The following SRGAP1 variants were observed in gnomAD, a reference collection of about 807,000 sequenced individuals.
SRGAP1 encodes the protein SLIT-ROBO Rho GTPase activating protein 1, also known as SLIT-ROBO Rho GTPase-activating protein 1.
In SRGAP1, 43 loss-of-function variants were observed where a neutral mutation model predicts 121.9. The ratio of observed to expected loss-of-function variants is 0.35; its 90% confidence interval spans 0.28 to 0.46. The LOEUF (loss-of-function observed/expected upper bound fraction) is 0.46, where lower values mean the gene tolerates loss of function less well. Among genes scored for constraint, SRGAP1 ranks in the 20% least tolerant of loss-of-function variants. The pLI is 1.00. For synonymous variants in SRGAP1, 447 were observed against 485.4 expected (o/e 0.92, Z 1.04); for missense variants, 1,102 against 1,350.9 (o/e 0.82, Z 2.89).
At chr12:64,134,215 A>G (rs1337371185) in intron 21 of SRGAP1, among the ~76,000 whole-genome samples, 1 of 151,910 alleles carries the variant, frequency 6.6e-6, no homozygotes, top group Non-Finnish European at 1.5e-5. Flanking sequence ...GGGTCAGGAG[A>G]TTGAGACCAT....
At chr12:63,899,357 G>C (rs975895882) in intron 1 of SRGAP1, among the ~76,000 whole-genome samples, 9 of 151,912 alleles carry the variant, frequency 5.9e-5, no homozygotes, top group Non-Finnish European at 1.0e-4. Context: ...AAGGAACCAG[G>C]TTTGCTACAT....
At chr12:63,978,110 A>G (rs969957045) in intron 1 of SRGAP1, among the ~76,000 whole-genome samples, 1 of 152,232 alleles carries the variant, frequency 6.6e-6, no homozygotes, top group Non-Finnish European at 1.5e-5. Context: ...GGGTGTGGAA[A>G]TAGGAGTTTG....
chr12:64,063,195 C>T, intron 7 of SRGAP1, 57 bp downstream of exon 7: 1 of 1,430,724 alleles, frequency 7.0e-7, no homozygotes, highest in Non-Finnish European at 9.8e-7. Flanking sequence ...TATTTCTCCT[C>T]ACTTGCTATA....
Position 63,984,035 on chromosome 12 carries a change from C to A in SRGAP1, c.156C>A (p.Phe52Leu). The A allele has an allele frequency of 6.4e-7, 1 of 1,565,732 alleles. No homozygotes were observed. The highest frequency in any genetic ancestry group is 1.2e-5 in the South Asian group (1 of 84,006). ...RVQLLQDLQD[F>L]FRKKAEIETE... is the part of the protein sequence containing the mutation. ...AGCTTCTCCAGGATCTGCAAGATTT[C>A]TTCCGAAAAAAAGCTGAAATTGAGA... Residue 52 changes from phenylalanine (F) to leucine (L), a missense_variant, in exon 2 of 22, where the codon TTC becomes TTA. Phe to Leu is a conservative substitution (Grantham distance 22, BLOSUM62 0). Coordinates refer to ENST00000355086, the MANE Select transcript of SRGAP1 (RefSeq NM_020762.4).
At chr12:64,109,212 T>C (rs930932045) in intron 16 of SRGAP1, 175 bp downstream of exon 16, 3 of 394,492 alleles carry the variant, frequency 7.6e-6, no homozygotes, top group Admixed American at 4.4e-5. Context: ...ACATCATTGA[T>C]AGATGAAAGC....
At chr12:63,917,765 G>A (rs997195018) in intron 1 of SRGAP1, among the ~76,000 whole-genome samples, 13 of 150,556 alleles carry the variant, frequency 8.6e-5, no homozygotes, top group Middle Eastern at 3.4e-3. Context: ...CCTGCTTTCT[G>A]TAATTCTTGT....
intron 1 of SRGAP1, among the ~76,000 whole-genome samples, chr12:63,923,917 G>A (rs915624022): frequency 2.6e-5 from 4 of 152,208 alleles, no homozygotes; most frequent in East Asian, 1.9e-4. Context: ...CGAGGCAGGC[G>A]GATCACCTGA....
At chr12:64,137,138 T>A (rs2036868518) in intron 21 of SRGAP1, among the ~76,000 whole-genome samples, 1 of 151,896 alleles carries the variant, frequency 6.6e-6, no homozygotes, top group African/African-American at 2.4e-5. Context: ...GTGGCAGGCA[T>A]CTGTAATCTG....
chr12:64,052,467 A>C (rs1437229436), intron 6 of SRGAP1, among the ~76,000 whole-genome samples: 1 of 152,082 alleles, frequency 6.6e-6, no homozygotes, highest in Non-Finnish European at 1.5e-5. Context: ...AGGCAGGAGA[A>C]TCGCTTGAAC....
chr12:64,000,196 T>A (rs2033834756), intron 3 of SRGAP1, among the ~76,000 whole-genome samples: 1 of 148,090 alleles, frequency 6.8e-6, no homozygotes, highest in South Asian at 2.1e-4. Context: ...GGAGGAAAGA[T>A]AAGGGAAGTA....
chr12:64,065,302 T>C (rs1212168517), intron 8 of SRGAP1, 83 bp downstream of exon 8: 2 of 1,218,266 alleles, frequency 1.6e-6, no homozygotes, highest in East Asian at 5.1e-5. Flanking sequence ...TGGGCATATT[T>C]AATATTCAAG....
intron 1 of SRGAP1, among the ~76,000 whole-genome samples, chr12:63,923,101 G>A (rs2031127821): frequency 6.6e-6 from 1 of 152,124 alleles, no homozygotes. Context: ...AAATCATATG[G>A]TGACCAATCC....
intron 1 of SRGAP1, among the ~76,000 whole-genome samples, chr12:63,956,993 A>G (rs1430224613): frequency 2.6e-5 from 4 of 152,120 alleles, no homozygotes; most frequent in Non-Finnish European, 4.4e-5. Context: ...GTCTGTCCTC[A>G]TTCATTTAGC....
intron 18 of SRGAP1, among the ~76,000 whole-genome samples, chr12:64,117,869 C>G (rs1414959027): frequency 6.6e-6 from 1 of 152,174 alleles, no homozygotes; most frequent in Non-Finnish European, 1.5e-5. Context: ...CTTTCTGTGT[C>G]TGGCTTATTT....
intron 1 of SRGAP1, among the ~76,000 whole-genome samples, chr12:63,958,824 A>G (rs1299147987): frequency 6.6e-6 from 1 of 152,196 alleles, no homozygotes; most frequent in Non-Finnish European, 1.5e-5. Context: ...CTAATTTCTT[A>G]TATTTAAACT....
intron 18 of SRGAP1, among the ~76,000 whole-genome samples, chr12:64,116,606 T>C (rs2036527448): frequency 6.6e-6 from 1 of 152,228 alleles, no homozygotes; most frequent in South Asian, 2.1e-4. Flanking sequence ...TACCACTGTA[T>C]AATATTCCAT....
intron 4 of SRGAP1, chr12:64,032,611 G>GC: frequency 2.0e-6 from 1 of 492,364 alleles, no homozygotes; most frequent in Non-Finnish European, 3.7e-6. Flanking sequence ...CTGACAACAA[G>GC]CCCCCACAGT....
At chr12:63,951,863 A>G (rs759569222) in intron 1 of SRGAP1, among the ~76,000 whole-genome samples, 1 of 152,206 alleles carries the variant, frequency 6.6e-6, no homozygotes, top group Non-Finnish European at 1.5e-5. Flanking sequence ...ACATAACTAT[A>G]TACATTATGA....
chr12:63,897,382 G>A (rs1900788536), intron 1 of SRGAP1, among the ~76,000 whole-genome samples: 1 of 152,318 alleles, frequency 6.6e-6, no homozygotes, highest in East Asian at 1.9e-4. Flanking sequence ...CTAGAGCAAT[G>A]CTTATGAGAA....
Sources: allele counts gnomAD v4.1 joint callset (sites outside exome capture counted in the v4.1 genomes callset), GRCh38; gene constraint gnomAD v4.1.1; transcripts MANE v1.5; gene names NCBI Gene and HGNC (gene_info 2026-07-23, HGNC 2026-07-21).